Variants in TMEFF2 observed in about 807,000 individuals in gnomAD.
The protein encoded by TMEFF2 is tomoregulin-2.
In TMEFF2, 28 loss-of-function variants were observed where a neutral mutation model predicts 53.8. The observed-to-expected ratio is 0.52, with a 90% CI of 0.39 to 0.71. The LOEUF (loss-of-function observed/expected upper bound fraction) is 0.71, where lower values mean the gene tolerates loss of function less well. Ranked by LOEUF, TMEFF2 falls within the 30% of genes least tolerant of loss-of-function variation. The pLI, the probability that TMEFF2 is intolerant of heterozygous loss-of-function variation, is 0.00. For missense variants in TMEFF2, 353 were observed against 455.2 expected (o/e 0.78, Z 2.04); for synonymous variants, 162 against 166.3 (o/e 0.97, Z 0.20).
intron 4 of TMEFF2, among the ~76,000 whole-genome samples, chr2:192,096,670 C>CTGTTTTTT (rs61068218): frequency 1.9e-5 from 1 of 53,702 alleles, no homozygotes; most frequent in African/African-American, 1.4e-4. Flanking sequence ...CTCTCTCTCT[C>CTGTTTTTT]TTTTTTTTTT....
chr2:192,052,712 G>C (rs1397058027), intron 5 of TMEFF2, among the ~76,000 whole-genome samples: 1 of 152,046 alleles, frequency 6.6e-6, no homozygotes, highest in African/African-American at 2.4e-5. Flanking sequence ...TATTAGTTTT[G>C]ACTGTTTTCA....
Position 192,058,497 on chromosome 2 carries a change from T to C in TMEFF2, c.440-722A>G, listed in dbSNP as rs551424870. ...GATTGATATTGGTCCTTTTTTCCTC[T>C]AAATTACAAGTGCAAAAATAGGCAA... On this transcript the variant is annotated intron_variant, in intron 4 of 9. Coordinates refer to ENST00000272771, the MANE Select transcript of TMEFF2 (RefSeq NM_016192.4). Among the ~76,000 whole-genome samples, 16 of 152,222 alleles carry C rather than the reference T, an allele frequency of 1.1e-4. No homozygotes were observed. In the South Asian group the frequency reaches 3.3e-3, roughly 32 times the overall value.
intron 7 of TMEFF2, among the ~76,000 whole-genome samples, chr2:191,962,191 C>T (rs1419588887): frequency 6.6e-6 from 1 of 152,044 alleles, no homozygotes; most frequent in Non-Finnish European, 1.5e-5. Flanking sequence ...CTATTTTTTT[C>T]AGAAAAATAA....
intron 7 of TMEFF2, among the ~76,000 whole-genome samples, chr2:191,958,795 G>A (rs1056462019): frequency 3.3e-5 from 5 of 152,168 alleles, no homozygotes; most frequent in African/African-American, 1.2e-4. Context: ...CAGAGAGATT[G>A]AAAATAAATT....
At chr2:192,166,840 C>A (rs971512429) in intron 4 of TMEFF2, among the ~76,000 whole-genome samples, 1 of 152,092 alleles carries the variant, frequency 6.6e-6, no homozygotes, top group African/African-American at 2.4e-5. Flanking sequence ...TTTTAAAAAA[C>A]ACGTTTCAAA....
At chr2:191,971,341 G>A (rs995342615) in intron 7 of TMEFF2, among the ~76,000 whole-genome samples, 2 of 152,164 alleles carry the variant, frequency 1.3e-5, no homozygotes. Flanking sequence ...GTACAAATTT[G>A]AATTTGGAGA....
At chr2:192,147,717 C>T (rs12105030) in intron 4 of TMEFF2, among the ~76,000 whole-genome samples, 3,046 of 152,076 alleles carry the variant, frequency 0.02, 90 homozygotes, top group African/African-American at 0.061. Flanking sequence ...TATAATCAAC[C>T]CCAAACATTT....
At chr2:192,150,994 G>C (rs1293519535) in intron 4 of TMEFF2, among the ~76,000 whole-genome samples, 1 of 151,770 alleles carries the variant, frequency 6.6e-6, no homozygotes, top group Non-Finnish European at 1.5e-5. Context: ...ATGTGTCGAG[G>C]GAGGTACCAT....
intron 4 of TMEFF2, among the ~76,000 whole-genome samples, chr2:192,165,432 C>T (rs151168417): frequency 1.9e-3 from 292 of 152,188 alleles, no homozygotes; most frequent in African/African-American, 6.7e-3. Context: ...ACACATAGTA[C>T]GTACTCATTA....
At chr2:192,044,237 A>G (rs1005204810) in intron 5 of TMEFF2, 14 of 152,184 alleles carry the variant, frequency 9.2e-5, no homozygotes, top group African/African-American at 3.4e-4. Context: ...ACACTAGTCT[A>G]TTACACTGGT....
At chr2:192,124,050 T>C (rs899792719) in intron 4 of TMEFF2, among the ~76,000 whole-genome samples, 2 of 152,258 alleles carry the variant, frequency 1.3e-5, no homozygotes. Flanking sequence ...AGCAGTACTC[T>C]GCCTGCCAAG....
At chr2:192,018,358 T>C (rs572302381) in intron 5 of TMEFF2, among the ~76,000 whole-genome samples, 1 of 152,318 alleles carries the variant, frequency 6.6e-6, no homozygotes, top group African/African-American at 2.4e-5. Flanking sequence ...CTTATCCTTA[T>C]TATATTAAAT....
At chr2:191,969,406 G>A (rs1692567724) in intron 7 of TMEFF2, among the ~76,000 whole-genome samples, 1 of 152,026 alleles carries the variant, frequency 6.6e-6, no homozygotes, top group Non-Finnish European at 1.5e-5. Flanking sequence ...AAGGTAAGGT[G>A]CAATATGGCA....
intron 7 of TMEFF2, among the ~76,000 whole-genome samples, chr2:191,961,697 A>C (rs976714310): frequency 8.5e-5 from 13 of 152,090 alleles, no homozygotes; most frequent in African/African-American, 3.1e-4. Context: ...GAAGATATAC[A>C]GTTCTTATGA....
At position 192,003,932 on chromosome 2, in the gene TMEFF2, G is replaced by T. The variant is rs11686336; in HGVS notation, c.537-4724C>A. Among the ~76,000 whole-genome samples, 299 of 134,422 alleles carry T rather than the reference G, an allele frequency of 2.2e-3. 5 individuals carry two copies. The highest frequency in any genetic ancestry group is 7.9e-3 in the Middle Eastern group (2 of 252). The allele number at this position is 134,422 out of a possible 152,430, so 88.2% of individuals were successfully genotyped here. A position where few individuals can be genotyped will look rare whatever the true frequency, so the allele number is the denominator to read the frequency against. ...GAAAAAATTTGTGTGTGTGTGTGGG[G>T]GGGGGGCTCACACTCACCTCCATGG... is the stretch of plus-strand genomic sequence containing the variant. On this transcript the variant is annotated intron_variant, in intron 5 of 9. Coordinates refer to ENST00000272771, the MANE Select transcript of TMEFF2 (RefSeq NM_016192.4).
At chr2:192,033,957 C>T (rs543172576) in intron 5 of TMEFF2, among the ~76,000 whole-genome samples, 4 of 152,104 alleles carry the variant, frequency 2.6e-5, no homozygotes, top group Non-Finnish European at 4.4e-5. Context: ...GGGCAGATCA[C>T]GAGGTCAGGA....
At chr2:191,993,867 G>C (rs1486120890) in intron 7 of TMEFF2, among the ~76,000 whole-genome samples, 2 of 152,014 alleles carry the variant, frequency 1.3e-5, no homozygotes, top group Non-Finnish European at 2.9e-5. Flanking sequence ...TTCATTTTAT[G>C]TTTTTCACTG....
At chr2:192,081,390 C>T (rs567673232) in intron 4 of TMEFF2, among the ~76,000 whole-genome samples, 2 of 152,258 alleles carry the variant, frequency 1.3e-5, no homozygotes, top group Non-Finnish European at 2.9e-5. Context: ...TAAAGAGGCA[C>T]GAGCTGGAAG....
intron 4 of TMEFF2, among the ~76,000 whole-genome samples, chr2:192,078,358 C>A (rs961891222): frequency 6.6e-6 from 1 of 152,122 alleles, no homozygotes; most frequent in Non-Finnish European, 1.5e-5. Context: ...AGAAATTATT[C>A]TTTATCTCTC....
Sources: gnomAD v4.1 joint callset for allele counts (sites outside exome capture counted in the v4.1 genomes callset) on GRCh38, gnomAD v4.1.1 for gene constraint, MANE v1.5 for transcripts, NCBI Gene and HGNC (gene_info 2026-07-23, HGNC 2026-07-21) for gene names.